The following ZDHHC20 variants were observed in gnomAD, a reference collection of about 807,000 sequenced individuals.
ZDHHC20 encodes the protein zDHHC palmitoyltransferase 20.
In ZDHHC20, 43 loss-of-function variants were observed where a neutral mutation model predicts 57.8. The ratio of observed to expected loss-of-function variants is 0.74; its 90% confidence interval spans 0.58 to 0.96. The LOEUF is 0.96. Among genes scored for constraint, ZDHHC20 ranks in the 40% least tolerant of loss-of-function variants. ZDHHC20 has a pLI of 0.00. For missense variants in ZDHHC20, 391 were observed against 441.1 expected (o/e 0.89, Z 1.02); for synonymous variants, 157 against 153.0 (o/e 1.03, Z -0.19).
chr13:21,415,197 T>C (rs891318525), intron 3 of ZDHHC20, among the ~76,000 whole-genome samples: 4 of 152,196 alleles, frequency 2.6e-5, no homozygotes, highest in Non-Finnish European at 5.9e-5. Context: ...CTAAGAGACT[T>C]AGGCAATTTT....
rs758956329 is a variant in ZDHHC20, at chr13:21,404,367, G to C, written c.371-1501C>G. The C allele has an allele frequency of 8.3e-6, 4 of 481,426 alleles. No homozygotes were observed. In the Middle Eastern group the frequency reaches 9.6e-4, roughly 116 times the overall value. The allele number at this position is 481,426 out of a possible 1,614,324, so 29.8% of individuals were successfully genotyped here. A position where few individuals can be genotyped will look rare whatever the true frequency, so the allele number is the denominator to read the frequency against. On this transcript the variant is annotated intron_variant, in intron 4 of 12. Transcript: ENST00000400590. ...CCTAGTTCATAAATCATTAATGAAA[G>C]GCAATTAGATCTTTCAAACTCAATT...
At chr13:21,380,947 T>G (rs193075306) in intron 11 of ZDHHC20, among the ~76,000 whole-genome samples, 15 of 152,096 alleles carry the variant, frequency 9.9e-5, no homozygotes, top group African/African-American at 2.4e-5. Context: ...TATCCCTTCC[T>G]CATAGAAGCT....
chr13:21,432,463 G>A (rs1882077840), intron 1 of ZDHHC20, among the ~76,000 whole-genome samples: 1 of 151,984 alleles, frequency 6.6e-6, no homozygotes, highest in African/African-American at 2.4e-5. Context: ...CTGAGTAGCT[G>A]GGACTGCAGG....
chr13:21,399,296 G>A (rs1877278465), intron 7 of ZDHHC20, among the ~76,000 whole-genome samples: 1 of 151,968 alleles, frequency 6.6e-6, no homozygotes, highest in Non-Finnish European at 1.5e-5. Flanking sequence ...AGTAAGATGA[G>A]ATCGCGCCAC....
At chr13:21,386,784 A>G (rs1874588008) in intron 9 of ZDHHC20, among the ~76,000 whole-genome samples, 1 of 152,148 alleles carries the variant, frequency 6.6e-6, no homozygotes, top group Non-Finnish European at 1.5e-5. Flanking sequence ...CCTGGCCCCA[A>G]GTGATTCACC....
intron 7 of ZDHHC20, among the ~76,000 whole-genome samples, chr13:21,398,463 C>CA (rs533339364): frequency 0.066 from 6,485 of 98,040 alleles, 445 homozygotes; most frequent in African/African-American, 0.19. Context: ...GACTCCGTCT[C>CA]AAAAAAAAAA....
At chr13:21,387,062 ACTAT>A (rs1333736564) in intron 9 of ZDHHC20, among the ~76,000 whole-genome samples, 2 of 152,214 alleles carry the variant, frequency 1.3e-5, no homozygotes, top group African/African-American at 2.4e-5. Context: ...AGAAATGGAA[ACTAT>A]CAATCATCTC....
chr13:21,416,344 A>C (rs1879975773), intron 3 of ZDHHC20, among the ~76,000 whole-genome samples: 1 of 152,294 alleles, frequency 6.6e-6, no homozygotes, highest in East Asian at 1.9e-4. Context: ...TTGAATTAGT[A>C]CTACAAGTTT....
At chr13:21,394,888 T>C (rs1257820416) in intron 7 of ZDHHC20, among the ~76,000 whole-genome samples, 2 of 152,170 alleles carry the variant, frequency 1.3e-5, no homozygotes, top group African/African-American at 4.8e-5. Flanking sequence ...TAGGATCCCC[T>C]GGTTTTACAT....
chr13:21,384,302 T>G (rs1874028820), intron 9 of ZDHHC20, among the ~76,000 whole-genome samples: 1 of 151,728 alleles, frequency 6.6e-6, no homozygotes, highest in Admixed American at 6.6e-5. Context: ...TAGCTGGGTG[T>G]GGTGGCATGC....
intron 1 of ZDHHC20, among the ~76,000 whole-genome samples, chr13:21,428,498 C>T (rs960980800): frequency 3.8e-4 from 58 of 151,682 alleles, no homozygotes; most frequent in Admixed American, 3.7e-3. Flanking sequence ...GGATTACAGG[C>T]GTGAGCCACC....
chr13:21,422,503 A>C (rs1880756385), intron 2 of ZDHHC20, among the ~76,000 whole-genome samples: 3 of 152,150 alleles, frequency 2.0e-5, no homozygotes, highest in Admixed American at 2.0e-4. Flanking sequence ...AGAGAACAGA[A>C]ACTCCAGTCA....
chr13:21,420,659 C>T (rs975097672), intron 3 of ZDHHC20, among the ~76,000 whole-genome samples: 6 of 152,186 alleles, frequency 3.9e-5, no homozygotes, highest in South Asian at 2.1e-4. Flanking sequence ...ATAGCCTAGA[C>T]AATTTGTTTC....
intron 3 of ZDHHC20, among the ~76,000 whole-genome samples, chr13:21,420,682 T>A (rs561622049): frequency 7.5e-4 from 115 of 152,340 alleles, no homozygotes; most frequent in African/African-American, 2.6e-3. Context: ...TCACAAAACT[T>A]TCTTTAATTG....
At chr13:21,404,355 T>A (rs1439991819) in intron 4 of ZDHHC20, 3 of 490,444 alleles carry the variant, frequency 6.1e-6, no homozygotes, top group South Asian at 3.0e-5. Context: ...AGTTCATAAA[T>A]CATTAATGAA....
At chr13:21,404,676 C>T (rs899413960) in intron 4 of ZDHHC20, among the ~76,000 whole-genome samples, 5 of 151,466 alleles carry the variant, frequency 3.3e-5, no homozygotes, top group South Asian at 2.1e-4. Context: ...ATGGCGTGAA[C>T]GCAGGAGGCG....
intron 7 of ZDHHC20, among the ~76,000 whole-genome samples, chr13:21,395,045 G>C (rs190897622): frequency 6.7e-6 from 1 of 149,384 alleles, no homozygotes. Context: ...TGCTGGAATA[G>C]CCAGATTTTA....
chr13:21,405,927 T>C (rs1671813475), intron 4 of ZDHHC20, among the ~76,000 whole-genome samples: 2 of 152,132 alleles, frequency 1.3e-5, no homozygotes, highest in South Asian at 4.1e-4. Context: ...ACTCAGAACA[T>C]ACAAATGCAA....
chr13:21,393,520 C>T (rs1174278576), intron 7 of ZDHHC20, among the ~76,000 whole-genome samples: 1 of 149,106 alleles, frequency 6.7e-6, no homozygotes, highest in Non-Finnish European at 1.5e-5. Context: ...GCCTGGCCAA[C>T]ATGGTGAAAC....
Sources: gnomAD v4.1 joint callset for allele counts (sites outside exome capture counted in the v4.1 genomes callset) on GRCh38, gnomAD v4.1.1 for gene constraint, MANE v1.5 for transcripts, NCBI Gene and HGNC (gene_info 2026-07-23, HGNC 2026-07-21) for gene names.